Variants in ERICH3 observed in about 807,000 individuals in gnomAD.
The protein encoded by ERICH3 is glutamate rich 3.
ERICH3 carries 126 observed loss-of-function variants against 131.1 expected under a neutral mutation model. That is an observed-to-expected ratio of 0.96 (90% CI 0.83 to 1.11). ERICH3 has a LOEUF of 1.11. Ranked by LOEUF, ERICH3 falls within the 50% of genes most tolerant of loss-of-function variation. The pLI is 0.00. For synonymous variants in ERICH3, 695 were observed against 644.6 expected, an observed-to-expected ratio of 1.08 and a Z score of -1.18; for missense variants, 2,050 against 1,810.7, an observed-to-expected ratio of 1.13 and a Z score of -2.40.
chr1:74,571,580 G>A lies in ERICH3; in HGVS notation c.4130C>T (p.Ser1377Phe). The A allele has an allele frequency of 6.2e-7, 1 of 1,614,092 alleles. No homozygotes were observed. Among genetic ancestry groups the A allele is most frequent in the Non-Finnish European group, 8.5e-7 (1 of 1,180,012 alleles). ...EEKTIANKAS[S>F]FSDVAEEETW... ...TTCTTCCTCAGCAACATCTGAAAAG[G>A]AGGAGGCTTTATTTGCTATTGTTTT... is the stretch of plus-strand genomic sequence containing the variant. The change falls in exon 14 of 15, where the codon TCC becomes TTC. Residue 1377 changes from serine (S) to phenylalanine (F), a missense_variant. By Grantham distance (155) the Ser-to-Phe change is radical (BLOSUM62 -2). Coordinates refer to ENST00000326665, the MANE Select transcript of ERICH3 (RefSeq NM_001002912.5).
Position 74,590,015 on chromosome 1 carries a change from A to G in ERICH3, c.1792T>C (p.Ser598Pro). The change falls in exon 12 of 15, where the codon TCT becomes CCT. Residue 598 changes from serine to proline, a missense_variant. Coordinates refer to ENST00000326665, the MANE Select transcript of ERICH3 (RefSeq NM_001002912.5). ...HPYSSDSEDE[S>P]AVGDREAHTD... ...TGGGCTTCCCTGTCCCCCACTGCAG[A>G]TTCATCCTCACTGTCACTAGAATAA... 1 of 1,613,834 alleles carries G rather than the reference A, an allele frequency of 6.2e-7. No individual in the cohort carries two copies. The highest frequency in any genetic ancestry group is 8.5e-7 in the Non-Finnish European group (1 of 1,179,866).
chr1:74,600,487 T>C (rs535224203), intron 10 of ERICH3, among the ~76,000 whole-genome samples: 4 of 152,014 alleles, frequency 2.6e-5, no homozygotes, highest in Non-Finnish European at 5.9e-5. Context: ...AAGGATTCTA[T>C]ATGTAGGCCA....
At chr1:74,647,554 G>A (rs1186629111) in intron 2 of ERICH3, among the ~76,000 whole-genome samples, 1 of 152,076 alleles carries the variant, frequency 6.6e-6, no homozygotes, top group Non-Finnish European at 1.5e-5. Flanking sequence ...CATTTTTGTT[G>A]TGGATTTACT....
At chr1:74,598,952 ATATTGCTAT>A (rs2100575987) in intron 11 of ERICH3, among the ~76,000 whole-genome samples, 1 of 152,098 alleles carries the variant, frequency 6.6e-6, no homozygotes, top group South Asian at 2.1e-4. Flanking sequence ...ATAAACTTTC[ATATTGCTAT>A]TAGCAATAAT....
intron 13 of ERICH3, 113 bp from the exon 14 acceptor site, chr1:74,573,604 CAA>C (rs1647000328): frequency 9.0e-6 from 11 of 1,219,874 alleles, no homozygotes; most frequent in Non-Finnish European, 1.1e-5. Flanking sequence ...TATGTGATAT[CAA>C]GAGGCCATTG....
chr1:74,651,041 G>A (rs1420841891), intron 1 of ERICH3, among the ~76,000 whole-genome samples: 1 of 151,944 alleles, frequency 6.6e-6, no homozygotes, highest in African/African-American at 2.4e-5. Flanking sequence ...CTCTATTACT[G>A]GCAACAAAGT....
Position 74,580,699 on chromosome 1 carries a change from C to A in ERICH3, c.2177-3763G>T, listed in dbSNP as rs116245279. Among the ~76,000 whole-genome samples the A allele has an allele frequency of 7.2e-3, 1,094 of 152,228 alleles. 11 individuals carry two copies. The highest frequency in any genetic ancestry group is 0.025 in the African/African-American group (1,019 of 41,548). On this transcript the variant is annotated intron_variant, in intron 12 of 14. Transcript: ENST00000326665. ...AATTTCCTGCTATACAATGTACATT[C>A]TTCTGTTATGATGTTTGCTTTTTCA...
At chr1:74,671,353 T>C (rs1366980494) in intron 1 of ERICH3, among the ~76,000 whole-genome samples, 2 of 152,324 alleles carry the variant, frequency 1.3e-5, no homozygotes, top group East Asian at 3.9e-4. Context: ...GTTCTGCTTT[T>C]TGCCCTTTGA....
intron 4 of ERICH3, 95 bp downstream of exon 4, chr1:74,642,932 A>C (rs961238749): frequency 2.2e-6 from 2 of 910,036 alleles, no homozygotes; most frequent in Middle Eastern, 3.2e-4. Flanking sequence ...AACCAAAAGT[A>C]AAGTGTCCCA....
Position 74,599,784 on chromosome 1 carries a change from G to T in ERICH3, c.1637C>A (p.Thr546Asn), listed in dbSNP as rs141528857. 6.2e-7 allele frequency: 1 copy of T among 1,612,346 alleles called. No individual in the cohort carries two copies. Residue 546 changes from threonine (T) to asparagine (N), a missense_variant, in exon 11 of 15, where the codon ACC (threonine) becomes AAC (asparagine). Thr to Asn is a moderately conservative substitution (Grantham distance 65). Transcript: ENST00000326665. ...GGCATCTGGTGCCTTCTGTGATGAG[G>T]TTTCACTCTCTTTTTCAGGGTCTAA... ...DNLDPEKESE[T>N]SSQKAPDARD... is the part of the protein sequence containing the mutation.
At chr1:74,590,144 A>G (rs1647521031) in intron 11 of ERICH3, 64 bp from the exon 12 acceptor site, 6 of 1,340,108 alleles carry the variant, frequency 4.5e-6, no homozygotes, top group Non-Finnish European at 5.0e-6. Flanking sequence ...AATTGTAAAA[A>G]TTATGTTAGC....
In ERICH3 at chr1:74,573,422, A is replaced by C. The variant is rs762652290; in HGVS notation, c.2288T>G (p.Val763Gly). 1.9e-6 allele frequency: 3 copies of C among 1,575,706 alleles called. No individual in the cohort carries two copies. The South Asian group carries it at 3.6e-5, about 19-fold the overall frequency. ...INSNKESQQLVQKTYTLEKKE... is the reference protein window; with the variant it reads ...INSNKESQQLGQKTYTLEKKE... ...CTTCTCCAGTGTATACGTTTTTTGC[A>C]CCAATTGCTGGGATTCCTTGTTTGA... The change falls in exon 14 of 15, where the codon GTG (valine) becomes GGG (glycine). Residue 763 changes from valine (V) to glycine (G), a missense_variant. Transcript: ENST00000326665.
chr1:74,571,421 C>A lies in ERICH3; in HGVS notation c.4289G>T (p.Gly1430Val). The change falls in exon 14 of 15, where the codon GGG becomes GTG. Residue 1430 changes from glycine (G) to valine (V), a missense_variant. Gly to Val is a moderately radical substitution (Grantham distance 109, BLOSUM62 -3). Coordinates refer to ENST00000326665, the MANE Select transcript of ERICH3 (RefSeq NM_001002912.5). Reference protein sequence around the residue: ...EMTVTYTTEAGVGTPGALERK... With the variant: ...EMTVTYTTEAVVGTPGALERK... ...CTCCAGGGCTCCTGGAGTGCCCACC[C>A]CAGCCTCTGTTGTATATGTCACTGT... 1 of 1,614,014 alleles carries A rather than the reference C, an allele frequency of 6.2e-7. No homozygotes were observed.
At position 74,641,568 on chromosome 1, in the gene ERICH3, CT is replaced by C. The variant is rs1646438141; in HGVS notation, c.316-110del. 4 of 1,288,426 alleles carry C rather than the reference CT, an allele frequency of 3.1e-6. No individual in the cohort carries two copies. The African/African-American group carries it at 6.3e-5, about 20-fold the overall frequency. The allele number at this position is 1,288,426 out of a possible 1,614,324, so 79.8% of individuals were successfully genotyped here. A position where few individuals can be genotyped will look rare whatever the true frequency, so the allele number is the denominator to read the frequency against. ...TGACTAAAGAAATTCTTTCTCATTT[CT>C]TCCAAGAGTTACTTTTGTTAAGGAG... is the stretch of plus-strand genomic sequence containing the variant. On this transcript the variant is annotated intron_variant, in intron 4 of 14. Coordinates refer to ENST00000326665, the MANE Select transcript of ERICH3 (RefSeq NM_001002912.5).
At chr1:74,570,723 G>A (rs1646927041) in intron 14 of ERICH3, among the ~76,000 whole-genome samples, 1 of 152,124 alleles carries the variant, frequency 6.6e-6, no homozygotes, top group Non-Finnish European at 1.5e-5. Context: ...AAAACACTAA[G>A]GTGGAAATGA....
chr1:74,623,424 AG>A (rs1197617392), intron 7 of ERICH3: 2 of 152,182 alleles, frequency 1.3e-5, no homozygotes, highest in Non-Finnish European at 2.9e-5. Flanking sequence ...ATAGTGTCAA[AG>A]GGCCTGTTCT....
At chr1:74,603,186 G>A (rs1165424600) in intron 10 of ERICH3, among the ~76,000 whole-genome samples, 1 of 151,852 alleles carries the variant, frequency 6.6e-6, no homozygotes, top group Non-Finnish European at 1.5e-5. Flanking sequence ...TCTTGAGTAT[G>A]AGGGACACAA....
intron 1 of ERICH3, among the ~76,000 whole-genome samples, chr1:74,652,143 T>G (rs1646541010): frequency 6.6e-6 from 1 of 152,204 alleles, no homozygotes; most frequent in Admixed American, 6.6e-5. Context: ...TTATTTCATT[T>G]TTAGACAATG....
intron 1 of ERICH3, among the ~76,000 whole-genome samples, chr1:74,652,802 C>A (rs1646549191): frequency 6.6e-6 from 1 of 152,160 alleles, no homozygotes; most frequent in Non-Finnish European, 1.5e-5. Flanking sequence ...ACCCACAAGT[C>A]ACTGGCCAGA....
Sources: allele counts gnomAD v4.1 joint callset (sites outside exome capture counted in the v4.1 genomes callset), GRCh38; gene constraint gnomAD v4.1.1; transcripts MANE v1.5; gene names NCBI Gene and HGNC (gene_info 2026-07-23, HGNC 2026-07-21).